The following RAB38 variants were observed in gnomAD, a reference collection of about 807,000 sequenced individuals.
The protein encoded by RAB38 is RAB38, member RAS oncogene family.
In RAB38, 15 loss-of-function variants were observed where a neutral mutation model predicts 18.4. The observed-to-expected ratio is 0.82, with a 90% confidence interval of 0.55 to 1.26. The LOEUF (loss-of-function observed/expected upper bound fraction) is 1.26, where lower values mean the gene tolerates loss of function less well. Among genes scored for constraint, RAB38 ranks in the 50% most tolerant of loss-of-function variants. The pLI, the probability that RAB38 is intolerant of heterozygous loss-of-function variation, is 0.00. For missense variants in RAB38, 294 were observed against 267.4 expected, an observed-to-expected ratio of 1.10 and a Z score of -0.69; for synonymous variants, 101 against 104.4, an observed-to-expected ratio of 0.97 and a Z score of 0.20.
At chr11:87,958,363 AG>A in the RAB38 span, among the ~76,000 whole-genome samples, 3 of 152,186 alleles carry the variant, frequency 2.0e-5, no homozygotes, top group Admixed American at 2.0e-4. Context: ...CAAGTTAAGA[AG>A]CATCTACCCC....
the RAB38 span, among the ~76,000 whole-genome samples, chr11:87,921,413 T>C: frequency 2.0e-4 from 30 of 151,856 alleles, no homozygotes; most frequent in African/African-American, 4.8e-4. Flanking sequence ...CTTATATGAG[T>C]GTTCTGAGCA....
At chr11:88,109,553 G>A (rs1436486423), downstream of RAB38, among the ~76,000 whole-genome samples, 1 of 152,156 alleles carries the variant, frequency 6.6e-6, no homozygotes, top group Non-Finnish European at 1.5e-5. Flanking sequence ...CTTCTGCACA[G>A]CAAAAGAAAC....
At chr11:88,169,986 A>C (rs1943289977) in intron 1 of RAB38, among the ~76,000 whole-genome samples, 1 of 152,284 alleles carries the variant, frequency 6.6e-6, no homozygotes, top group Non-Finnish European at 1.5e-5. Flanking sequence ...ATATTTGCTG[A>C]AGAAACCAAT....
the RAB38 span, among the ~76,000 whole-genome samples, chr11:88,015,618 GA>G: frequency 6.6e-6 from 1 of 152,054 alleles, no homozygotes; most frequent in Non-Finnish European, 1.5e-5. Context: ...TACTAAGGGG[GA>G]TAAGACTCCA....
At chr11:88,011,036 TAGTC>T in the RAB38 span, among the ~76,000 whole-genome samples, 1 of 152,166 alleles carries the variant, frequency 6.6e-6, no homozygotes. Flanking sequence ...AAGAAAAAAG[TAGTC>T]AGAGTCATTT....
At chr11:87,848,618 T>G in the RAB38 span, among the ~76,000 whole-genome samples, 243 of 152,270 alleles carry the variant, frequency 1.6e-3, no homozygotes, top group African/African-American at 5.3e-3. Flanking sequence ...AAACACCAAA[T>G]TTAAAGATGT....
At chr11:88,050,922 G>C in the RAB38 span, among the ~76,000 whole-genome samples, 7 of 152,254 alleles carry the variant, frequency 4.6e-5, no homozygotes, top group African/African-American at 1.7e-4. Flanking sequence ...CTGCTGCCTG[G>C]CTCCAGATGG....
chr11:87,804,821 ACTC>A, the RAB38 span, among the ~76,000 whole-genome samples: 1 of 152,116 alleles, frequency 6.6e-6, no homozygotes, highest in Non-Finnish European at 1.5e-5. Flanking sequence ...TGATAAAAAT[ACTC>A]CTCTAATGAT....
chr11:88,175,425 C>G lies in RAB38; in HGVS notation c.-41G>C, dbSNP rs1360314685. 8 of 1,604,180 alleles carry G rather than the reference C, an allele frequency of 5.0e-6. No individual in the cohort carries two copies. The highest frequency in any genetic ancestry group is 4.5e-5 in the East Asian group (2 of 44,566). On this transcript the variant is annotated 5_prime_UTR_variant, in exon 1 of 3. Transcript: ENST00000243662. Reference sequence around the variant, plus strand: ...GACGTGCCGTGCCTGACCAGGGAAGCGCAGCCTGGGCTCTGCGCACGAGAG... The same window carrying G: ...GACGTGCCGTGCCTGACCAGGGAAGGGCAGCCTGGGCTCTGCGCACGAGAG...
the RAB38 span, among the ~76,000 whole-genome samples, chr11:88,100,651 T>C: frequency 6.6e-6 from 1 of 152,152 alleles, no homozygotes; most frequent in Non-Finnish European, 1.5e-5. Flanking sequence ...AATAGCATTT[T>C]GGAAAGTACA....
At chr11:87,882,948 G>C in the RAB38 span, among the ~76,000 whole-genome samples, 14 of 152,024 alleles carry the variant, frequency 9.2e-5, no homozygotes, top group African/African-American at 3.4e-4. Context: ...CTAAAAGACA[G>C]CTCTGAGTTC....
the RAB38 span, among the ~76,000 whole-genome samples, chr11:88,086,600 G>A: frequency 6.6e-6 from 1 of 151,910 alleles, no homozygotes; most frequent in South Asian, 2.1e-4. Context: ...GCTTGGGCAA[G>A]TCACAGAGTT....
At chr11:88,077,903 G>A in the RAB38 span, among the ~76,000 whole-genome samples, 1 of 152,022 alleles carries the variant, frequency 6.6e-6, no homozygotes, top group East Asian at 1.9e-4. Flanking sequence ...CTATCCATCT[G>A]CCAAGGAGTT....
the RAB38 span, among the ~76,000 whole-genome samples, chr11:88,052,394 C>T: frequency 5.9e-5 from 9 of 152,068 alleles, no homozygotes; most frequent in African/African-American, 9.7e-5. Flanking sequence ...ATTAATAATG[C>T]CTGAAAACCT....
At chr11:88,080,652 T>G in the RAB38 span, among the ~76,000 whole-genome samples, 1 of 151,956 alleles carries the variant, frequency 6.6e-6, no homozygotes, top group African/African-American at 2.4e-5. Flanking sequence ...GAAGTTGCAA[T>G]AAACATCACA....
chr11:88,076,609 C>A, the RAB38 span, among the ~76,000 whole-genome samples: 2 of 151,966 alleles, frequency 1.3e-5, no homozygotes, highest in Non-Finnish European at 2.9e-5. Flanking sequence ...TGCATGCCAA[C>A]AGCAAACAAT....
At chr11:88,044,421 C>A in the RAB38 span, among the ~76,000 whole-genome samples, 1 of 152,094 alleles carries the variant, frequency 6.6e-6, no homozygotes, top group East Asian at 1.9e-4. Context: ...AGCCTTCCAC[C>A]CTCCATTCCT....
chr11:88,090,807 C>T, the RAB38 span, among the ~76,000 whole-genome samples: 2 of 151,892 alleles, frequency 1.3e-5, no homozygotes, highest in East Asian at 2.0e-4. Context: ...AGGATCCCCA[C>T]ACCAAATGCC....
chr11:87,906,207 C>T, the RAB38 span, among the ~76,000 whole-genome samples: 3 of 151,956 alleles, frequency 2.0e-5, no homozygotes, highest in Admixed American at 6.6e-5. Context: ...CTCTCCCACC[C>T]ATGAGCATTA....
Sources: allele counts gnomAD v4.1 joint callset (sites outside exome capture counted in the v4.1 genomes callset), GRCh38; gene constraint gnomAD v4.1.1; transcripts MANE v1.5; gene names NCBI Gene and HGNC (gene_info 2026-07-23, HGNC 2026-07-21).